OXR1: variants seen among roughly 807,000 people sequenced by gnomAD.
OXR1 encodes oxidation resistance 1.
A neutral mutation model predicts 104.6 loss-of-function variants in OXR1; 41 were observed. The ratio of observed to expected loss-of-function variants is 0.39; its 90% confidence interval spans 0.31 to 0.51. The LOEUF (loss-of-function observed/expected upper bound fraction) is 0.51. OXR1 is among the 20% of genes least tolerant of loss of function. The pLI, the probability that OXR1 is intolerant of heterozygous loss-of-function variation, is 0.77. For synonymous variants in OXR1, 348 were observed against 348.4 expected (o/e 1.00, Z 0.01); for missense variants, 955 against 1,031.9 (o/e 0.93, Z 1.02).
chr8:106,514,934 C>T lies in OXR1; in HGVS notation c.24-4009C>T, dbSNP rs1302129264. On this transcript the variant is annotated intron_variant, in intron 2 of 16. Transcript: ENST00000517566. ...TTAAATATTTACTCCTCTGAAACTG[C>T]CTTCCCCCAAAATAACTTACTTTAT... Among the ~76,000 whole-genome samples the T allele has an allele frequency of 2.6e-5, 4 of 152,024 alleles. No individual in the cohort carries two copies. The East Asian group carries it at 7.7e-4, about 29-fold the overall frequency.
intron 2 of OXR1, among the ~76,000 whole-genome samples, chr8:106,363,970 A>G (rs997855847): frequency 6.6e-6 from 1 of 152,006 alleles, no homozygotes; most frequent in Non-Finnish European, 1.5e-5. Flanking sequence ...AGGGTCCATT[A>G]TGTATGCTCA....
At chr8:106,380,341 A>G (rs553737451) in intron 2 of OXR1, among the ~76,000 whole-genome samples, 3 of 152,286 alleles carry the variant, frequency 2.0e-5, no homozygotes, top group East Asian at 3.9e-4. Flanking sequence ...TTGAATGGAT[A>G]TACCATACTT....
At chr8:106,400,286 G>A (rs1274128318) in intron 2 of OXR1, among the ~76,000 whole-genome samples, 1 of 152,098 alleles carries the variant, frequency 6.6e-6, no homozygotes, top group Non-Finnish European at 1.5e-5. Flanking sequence ...TAAGTCAGGA[G>A]TATTCTTTAT....
intron 1 of OXR1, among the ~76,000 whole-genome samples, chr8:106,329,269 G>A (rs1455419334): frequency 6.6e-6 from 1 of 151,756 alleles, no homozygotes; most frequent in Non-Finnish European, 1.5e-5. Flanking sequence ...TGAGATTACA[G>A]TCATGAGCCA....
intron 7 of OXR1, among the ~76,000 whole-genome samples, chr8:106,696,020 G>T (rs1390497794): frequency 6.6e-6 from 1 of 151,842 alleles, no homozygotes; most frequent in African/African-American, 2.4e-5. Flanking sequence ...TGTACATTCT[G>T]TGGGCTATAA....
intron 1 of OXR1, among the ~76,000 whole-genome samples, chr8:106,350,944 T>C (rs932079544): frequency 6.6e-6 from 1 of 152,194 alleles, no homozygotes; most frequent in Non-Finnish European, 1.5e-5. Context: ...AAAACAGATT[T>C]GAAAAATTGG....
At chr8:106,368,591 CTCTCTGTG>C (rs1816581966) in intron 2 of OXR1, among the ~76,000 whole-genome samples, 1 of 151,960 alleles carries the variant, frequency 6.6e-6, no homozygotes, top group Admixed American at 6.6e-5. Context: ...TGTTGTTTCC[CTCTCTGTG>C]TCCATGTGTT....
intron 3 of OXR1, among the ~76,000 whole-genome samples, chr8:106,532,774 C>T (rs910488770): frequency 6.6e-6 from 1 of 152,104 alleles, no homozygotes; most frequent in African/African-American, 2.4e-5. Context: ...AAGATATATC[C>T]TCTTTCATGA....
intron 2 of OXR1, among the ~76,000 whole-genome samples, chr8:106,447,414 A>C (rs969402253): frequency 2.0e-4 from 30 of 152,134 alleles, no homozygotes; most frequent in African/African-American, 6.5e-4. Context: ...ACAAAATTCA[A>C]ATCTCATCTC....
At position 106,746,787 on chromosome 8, in the gene OXR1, C is replaced by A. The variant is rs1000209941; in HGVS notation, c.2486+925C>A. On this transcript the variant is annotated intron_variant, in intron 16 of 16. Transcript: ENST00000517566. ...CATGTATTTACATGGTCCAATTATACCTTTTGGGGGGGGTATCATTCAGCC... is the reference window on the plus strand; with the variant it reads ...CATGTATTTACATGGTCCAATTATAACTTTTGGGGGGGGTATCATTCAGCC... Among the ~76,000 whole-genome samples the A allele has an allele frequency of 7.9e-5, 12 of 152,040 alleles. No homozygotes were observed. The East Asian group carries it at 2.1e-3, about 27-fold the overall frequency.
chr8:106,404,210 G>T (rs1186863306), intron 2 of OXR1, among the ~76,000 whole-genome samples: 1 of 152,120 alleles, frequency 6.6e-6, no homozygotes, highest in African/African-American at 2.4e-5. Context: ...TCTGCTGGGA[G>T]TGGGGAGGCC....
chr8:106,573,017 G>A (rs1001201513), intron 3 of OXR1, among the ~76,000 whole-genome samples: 1 of 152,086 alleles, frequency 6.6e-6, no homozygotes, highest in African/African-American at 2.4e-5. Flanking sequence ...CTAGTCCACA[G>A]TTATTACACT....
intron 3 of OXR1, among the ~76,000 whole-genome samples, chr8:106,625,567 T>A (rs1193852529): frequency 6.6e-6 from 1 of 152,218 alleles, no homozygotes; most frequent in Non-Finnish European, 1.5e-5. Context: ...GGTGGCTAGT[T>A]TATAAATCAT....
intron 3 of OXR1, among the ~76,000 whole-genome samples, chr8:106,622,487 C>CA (rs1821799796): frequency 1.6e-5 from 2 of 122,922 alleles, no homozygotes; most frequent in Non-Finnish European, 3.6e-5. Flanking sequence ...ACACACACAC[C>CA]CCTTACTTCA....
chr8:106,515,100 G>C (rs747276586), intron 2 of OXR1, among the ~76,000 whole-genome samples: 1 of 152,056 alleles, frequency 6.6e-6, no homozygotes, highest in Non-Finnish European at 1.5e-5. Flanking sequence ...AAGTCTTGGC[G>C]TGTGTAAGTG....
chr8:106,668,455 T>C (rs1826582017), intron 3 of OXR1, among the ~76,000 whole-genome samples: 1 of 152,216 alleles, frequency 6.6e-6, no homozygotes, highest in South Asian at 2.1e-4. Context: ...CATGTGTCTA[T>C]GTGGAATAAT....
chr8:106,359,449 A>T, intron 1 of OXR1, 27 bp from the exon 2 acceptor site: 1 of 613,822 alleles, frequency 1.6e-6, no homozygotes, highest in Non-Finnish European at 2.9e-6. Context: ...GGTACTAGAG[A>T]TATTCATTTA....
At chr8:106,613,814 T>C (rs1820987453) in intron 3 of OXR1, among the ~76,000 whole-genome samples, 1 of 152,372 alleles carries the variant, frequency 6.6e-6, no homozygotes, top group Non-Finnish European at 1.5e-5. Context: ...GTTAACTACT[T>C]AGTAAGTAAC....
chr8:106,300,355 C>T (rs1813178075), intron 1 of OXR1, among the ~76,000 whole-genome samples: 2 of 151,948 alleles, frequency 1.3e-5, no homozygotes, highest in South Asian at 4.1e-4. Context: ...TCTATGACTA[C>T]CTAAGATTTA....
Sources: gnomAD v4.1 joint callset for allele counts (sites outside exome capture counted in the v4.1 genomes callset) on GRCh38, gnomAD v4.1.1 for gene constraint, MANE v1.5 for transcripts, NCBI Gene and HGNC (gene_info 2026-07-23, HGNC 2026-07-21) for gene names.